PCDHA8: variants seen among roughly 807,000 people sequenced by gnomAD.
PCDHA8 encodes protocadherin alpha-8.
A neutral mutation model predicts 61.8 loss-of-function variants in PCDHA8; 53 were observed. The ratio of observed to expected loss-of-function variants is 0.86; its 90% CI spans 0.69 to 1.08. The LOEUF is 1.08. PCDHA8 is among the 50% of genes least tolerant of loss of function. The pLI is 0.00. For missense variants in PCDHA8, 1,293 were observed against 1,245.0 expected (o/e 1.04, Z -0.58); for synonymous variants, 618 against 556.6 (o/e 1.11, Z -1.55).
At chr5:140,966,974 C>T (rs782333304) in intron 1 of PCDHA8, 4 of 1,602,874 alleles carry the variant, frequency 2.5e-6, no homozygotes, top group Non-Finnish European at 3.4e-6. Flanking sequence ...GCTTGAGCTG[C>T]GGCGCTTGGG....
At position 140,842,039 on chromosome 5, in the gene PCDHA8, C is replaced by T. The variant is rs371732180; in HGVS notation, c.718C>T (p.Pro240Ser). ...AGTGCTGGATGTGAATGATAATGCT[C>T]CCACTTTCGAACAGTCTGAATACGA... ...VTVLDVNDNAPTFEQSEYEVR... is the reference protein window; with the variant it reads ...VTVLDVNDNASTFEQSEYEVR... The change falls in exon 1 of 4, where the codon CCC (proline) becomes TCC (serine). Residue 240 changes from proline to serine, a missense_variant. Physicochemically the swap from Pro to Ser is moderately conservative, Grantham distance 74. Transcript: ENST00000531613. 4 of 1,613,816 alleles carry T rather than the reference C, an allele frequency of 2.5e-6. No individual in the cohort carries two copies. In the South Asian group the frequency reaches 4.4e-5, roughly 18 times the overall value.
At position 140,968,861 on chromosome 5, in the gene PCDHA8, C is replaced by G; in HGVS notation, c.2395-10088C>G. 1.9e-6 allele frequency: 3 copies of G among 1,614,182 alleles called. No homozygotes were observed. In the South Asian group the frequency reaches 3.3e-5, roughly 18 times the overall value. ...CACTCAGAGGCATGTTAAGAGCCCT[C>G]GGACATACTCTGAAATTACCCTTTA... is the stretch of plus-strand genomic sequence containing the variant. On this transcript the variant is annotated intron_variant, in intron 1 of 3. Coordinates refer to ENST00000531613, the MANE Select transcript of PCDHA8 (RefSeq NM_018911.3).
intron 1 of PCDHA8, among the ~76,000 whole-genome samples, chr5:140,879,016 G>A (rs2057813975): frequency 6.6e-6 from 1 of 152,188 alleles, no homozygotes; most frequent in African/African-American, 2.4e-5. Context: ...ATCAGATAAT[G>A]TTTTATTGAA....
At chr5:141,003,173 G>A (rs782452600) in intron 3 of PCDHA8, among the ~76,000 whole-genome samples, 6 of 152,174 alleles carry the variant, frequency 3.9e-5, no homozygotes, top group Non-Finnish European at 5.9e-5. Context: ...AGTCCCTGAG[G>A]CTCAACTCCA....
At chr5:140,867,018 T>C (rs1445969805) in intron 1 of PCDHA8, 1 of 152,176 alleles carries the variant, frequency 6.6e-6, no homozygotes, top group Non-Finnish European at 1.5e-5. Context: ...TCATACACTA[T>C]ATCAAACTCT....
At chr5:140,994,704 CA>C (rs1294993555) in intron 3 of PCDHA8, among the ~76,000 whole-genome samples, 1 of 150,730 alleles carries the variant, frequency 6.6e-6, no homozygotes, top group Non-Finnish European at 1.5e-5. Flanking sequence ...GACCCTGTCT[CA>C]AAAAAAAATT....
At chr5:140,949,271 TGAAAA>T (rs1377326965) in intron 1 of PCDHA8, among the ~76,000 whole-genome samples, 5 of 151,804 alleles carry the variant, frequency 3.3e-5, no homozygotes, top group Non-Finnish European at 5.9e-5. Flanking sequence ...CACGTGCACT[TGAAAA>T]GAATGTATAT....
At chr5:140,857,653 C>A (rs1466552947) in intron 1 of PCDHA8, 6 of 1,596,508 alleles carry the variant, frequency 3.8e-6, no homozygotes, top group Non-Finnish European at 5.1e-6. Flanking sequence ...TCCAGGTGAG[C>A]GCGCGCGATG....
chr5:140,892,578 T>G (rs2063581965), intron 1 of PCDHA8, among the ~76,000 whole-genome samples: 1 of 152,178 alleles, frequency 6.6e-6, no homozygotes, highest in Non-Finnish European at 1.5e-5. Context: ...AAAGTATATC[T>G]CAGTATTCAT....
At chr5:140,870,587 A>T (rs1185262788) in intron 1 of PCDHA8, 2 of 1,613,660 alleles carry the variant, frequency 1.2e-6, no homozygotes, top group East Asian at 2.2e-5. Flanking sequence ...TCGCTGGTGG[A>T]GCGGCGGTTG....
intron 1 of PCDHA8, chr5:140,857,893 T>A (rs781996912): frequency 6.3e-7 from 1 of 1,596,578 alleles, no homozygotes; most frequent in South Asian, 1.1e-5. Flanking sequence ...CGGCGGCGGT[T>A]GGTGCACGCA....
chr5:140,917,778 G>A (rs1271229686), intron 1 of PCDHA8, among the ~76,000 whole-genome samples: 4 of 152,218 alleles, frequency 2.6e-5, no homozygotes, highest in African/African-American at 9.6e-5. Flanking sequence ...TTAGTACCAT[G>A]TTGTTTTGGT....
At chr5:140,909,951 G>A (rs560555991) in intron 1 of PCDHA8, among the ~76,000 whole-genome samples, 401 of 152,302 alleles carry the variant, frequency 2.6e-3, no homozygotes, top group African/African-American at 8.3e-3. Context: ...GTAAAAAGCC[G>A]TAGGTCTCCA....
chr5:140,984,666 G>T (rs769681431), intron 3 of PCDHA8, among the ~76,000 whole-genome samples: 115 of 152,058 alleles, frequency 7.6e-4, no homozygotes, highest in Admixed American at 1.2e-3. Flanking sequence ...GTACTTTTAG[G>T]TTTTTAGGAC....
Position 140,979,011 on chromosome 5 carries a change from T to C in PCDHA8, c.2453+4T>C. On this transcript the variant is annotated splice_donor_region_variant and intron_variant, in intron 2 of 3. Coordinates refer to ENST00000531613, the MANE Select transcript of PCDHA8 (RefSeq NM_018911.3). ...CCCTGAGAGCAGGCATGCACAGGTA[T>C]GTATTTCCCTCCTCATTCACTCAGA... The C allele has an allele frequency of 6.2e-7, 1 of 1,613,950 alleles. No homozygotes were observed. The highest frequency in any genetic ancestry group is 8.5e-7 in the Non-Finnish European group (1 of 1,179,938).
intron 1 of PCDHA8, among the ~76,000 whole-genome samples, chr5:140,959,857 T>G (rs1287315295): frequency 1.3e-5 from 2 of 152,204 alleles, no homozygotes; most frequent in African/African-American, 2.4e-5. Flanking sequence ...AAAGGAATTA[T>G]GTAGCAAAAT....
At chr5:140,963,424 G>A (rs898407658) in intron 1 of PCDHA8, among the ~76,000 whole-genome samples, 7 of 152,194 alleles carry the variant, frequency 4.6e-5, no homozygotes, top group Non-Finnish European at 1.0e-4. Flanking sequence ...GCATGTTTAG[G>A]AACTAACTTC....
intron 1 of PCDHA8, chr5:140,860,114 T>C (rs2046188052): frequency 6.6e-6 from 1 of 151,042 alleles, no homozygotes. Context: ...CATAGGGATA[T>C]CTTGTACTGT....
Position 140,875,145 on chromosome 5 carries a change from T to A in PCDHA8, c.2394+31430T>A, listed in dbSNP as rs191347942. On this transcript the variant is annotated intron_variant, in intron 1 of 3. Coordinates refer to ENST00000531613, the MANE Select transcript of PCDHA8 (RefSeq NM_018911.3). ...TAACTAAACCCGCATTTATAAATGA[T>A]CCGTGAAAAATAACCCAAAGTCGAA... Among the ~76,000 whole-genome samples the A allele has an allele frequency of 3.1e-3, 468 of 152,306 alleles. 3 individuals are homozygous for A. The highest frequency in any genetic ancestry group is 0.014 in the Middle Eastern group (4 of 294).
Sources: allele counts gnomAD v4.1 joint callset (sites outside exome capture counted in the v4.1 genomes callset), GRCh38; gene constraint gnomAD v4.1.1; transcripts MANE v1.5; gene names NCBI Gene and HGNC (gene_info 2026-07-23, HGNC 2026-07-21).